Variants in HIVEP2 observed in about 807,000 individuals in gnomAD.
HIVEP2 encodes the protein transcription factor HIVEP2.
Under a neutral mutation model 180.7 loss-of-function variants are expected in HIVEP2, and 14 were observed. The observed-to-expected ratio is 0.08, with a 90% CI of 0.05 to 0.12. HIVEP2 has a LOEUF of 0.12. Among genes scored for constraint, HIVEP2 ranks in the 10% least tolerant of loss-of-function variants. The pLI, the probability that HIVEP2 is intolerant of heterozygous loss-of-function variation, is 1.00. For synonymous variants in HIVEP2, 1,184 were observed against 1,136.4 expected, an observed-to-expected ratio of 1.04 and a Z score of -0.84; for missense variants, 2,579 against 3,008.5, an observed-to-expected ratio of 0.86 and a Z score of 3.34.
At chr6:142,926,827 C>A (rs1055670988) in intron 1 of HIVEP2, among the ~76,000 whole-genome samples, 1 of 151,910 alleles carries the variant, frequency 6.6e-6, no homozygotes, top group South Asian at 2.1e-4. Context: ...TCTGGGCCGG[C>A]CCTGCGGCGG....
At chr6:142,937,972 A>AT (rs111815709) in intron 1 of HIVEP2, among the ~76,000 whole-genome samples, 1 of 152,156 alleles carries the variant, frequency 6.6e-6, no homozygotes, top group Non-Finnish European at 1.5e-5. Context: ...CACTGTGCTG[A>AT]TTTTTTTAAG....
intron 1 of HIVEP2, among the ~76,000 whole-genome samples, chr6:142,882,895 A>C (rs1776607352): frequency 6.6e-6 from 1 of 152,152 alleles, no homozygotes; most frequent in Non-Finnish European, 1.5e-5. Context: ...AGCTTAGTGA[A>C]AGGACCACAT....
intron 6 of HIVEP2, among the ~76,000 whole-genome samples, chr6:142,765,827 A>T (rs543806081): frequency 9.2e-4 from 140 of 152,322 alleles, no homozygotes; most frequent in African/African-American, 3.1e-3. Context: ...TCCATTTTAG[A>T]ATACAATAAA....
intron 9 of HIVEP2, among the ~76,000 whole-genome samples, chr6:142,757,389 G>A (rs1384841579): frequency 1.3e-5 from 2 of 152,162 alleles, no homozygotes; most frequent in African/African-American, 4.8e-5. Context: ...AGCCAGGTGC[G>A]ATGGCTCACA....
At chr6:142,837,346 A>C (rs1775250257) in intron 1 of HIVEP2, among the ~76,000 whole-genome samples, 1 of 152,260 alleles carries the variant, frequency 6.6e-6, no homozygotes, top group African/African-American at 2.4e-5. Context: ...GTCAGTTAAG[A>C]CATTAAAATT....
At chr6:142,839,154 A>AGG (rs1383992649) in intron 1 of HIVEP2, among the ~76,000 whole-genome samples, 5 of 152,186 alleles carry the variant, frequency 3.3e-5, no homozygotes, top group Non-Finnish European at 7.4e-5. Context: ...GCAACAGGTA[A>AGG]GCCTCGCGTA....
chr6:142,780,190 C>CT, intron 3 of HIVEP2, among the ~76,000 whole-genome samples: 1 of 152,278 alleles, frequency 6.6e-6, no homozygotes, highest in East Asian at 1.9e-4. Flanking sequence ...TAAGACAAGC[C>CT]TACCCGAGAT....
At chr6:142,810,534 G>A (rs1362991996) in intron 2 of HIVEP2, among the ~76,000 whole-genome samples, 2 of 152,004 alleles carry the variant, frequency 1.3e-5, no homozygotes, top group Non-Finnish European at 2.9e-5. Context: ...AGGCCAGGGG[G>A]GCAAATCACT....
rs995944612 is a variant in HIVEP2, at chr6:142,932,475, A to G, written c.-641+12624T>C. Among the ~76,000 whole-genome samples the G allele has an allele frequency of 2.0e-5, 3 of 152,220 alleles. No homozygotes were observed. In the South Asian group the frequency reaches 6.2e-4, roughly 32 times the overall value. On this transcript the variant is annotated intron_variant, in intron 1 of 9. Transcript: ENST00000367603. The stretch of plus-strand genomic sequence containing the variant: ...AATTTATTTTTGAGGAGTTATTAAA[A>G]AAAACTCAGCCTGGAGTAAATTTCA...
rs111541153 is a variant in HIVEP2, at chr6:142,856,204, T to TA, written c.-640-19158dup. Among the ~76,000 whole-genome samples, 179 of 147,068 alleles carry TA rather than the reference T, an allele frequency of 1.2e-3. 3 individuals carry two copies. The highest frequency in any genetic ancestry group is 5.6e-3 in the South Asian group (26 of 4,642). ...CACTAAAAAACAGACAGCAAGGGGT[T>TA]AAAAAAAAAAAGAAAAGGAGAATTT... On this transcript the variant is annotated intron_variant, in intron 1 of 9. Transcript: ENST00000367603.
intron 2 of HIVEP2, among the ~76,000 whole-genome samples, chr6:142,822,478 ACTGT>A (rs1265369836): frequency 3.3e-5 from 5 of 152,232 alleles, no homozygotes; most frequent in East Asian, 1.9e-4. Context: ...GTGATATGAA[ACTGT>A]CTGTGATTTC....
chr6:142,864,575 A>C (rs751807079), intron 1 of HIVEP2, among the ~76,000 whole-genome samples: 25 of 152,088 alleles, frequency 1.6e-4, no homozygotes, highest in Non-Finnish European at 3.4e-4. Flanking sequence ...AGAAAACTGG[A>C]GTCTACACAA....
chr6:142,754,639 T>C (rs910805766), intron 9 of HIVEP2, among the ~76,000 whole-genome samples: 13 of 152,336 alleles, frequency 8.5e-5, no homozygotes, highest in Non-Finnish European at 1.8e-4. Flanking sequence ...TAAAGGAAAC[T>C]ATCCATCATA....
At chr6:142,876,894 C>A (rs932241826) in intron 1 of HIVEP2, among the ~76,000 whole-genome samples, 1 of 151,300 alleles carries the variant, frequency 6.6e-6, no homozygotes, top group Admixed American at 6.6e-5. Flanking sequence ...ACACAAAATG[C>A]AAACATTAGT....
chr6:142,904,878 T>C (rs1476318047), intron 1 of HIVEP2, among the ~76,000 whole-genome samples: 7 of 152,176 alleles, frequency 4.6e-5, no homozygotes, highest in Non-Finnish European at 8.8e-5. Flanking sequence ...ATCAGTTAAG[T>C]AACCCTGGGT....
intron 1 of HIVEP2, among the ~76,000 whole-genome samples, chr6:142,890,390 C>T (rs965982999): frequency 5.3e-5 from 8 of 152,232 alleles, no homozygotes; most frequent in African/African-American, 1.2e-4. Flanking sequence ...CGTGCACTTG[C>T]TCTGCATTCC....
intron 2 of HIVEP2, among the ~76,000 whole-genome samples, chr6:142,806,442 T>A (rs1776550047): frequency 6.6e-6 from 1 of 152,210 alleles, no homozygotes; most frequent in South Asian, 2.1e-4. Flanking sequence ...ATCATAACAC[T>A]TCTCAGAGCA....
intron 2 of HIVEP2, among the ~76,000 whole-genome samples, chr6:142,833,383 A>C (rs1484236209): frequency 6.6e-6 from 1 of 152,170 alleles, no homozygotes; most frequent in Non-Finnish European, 1.5e-5. Flanking sequence ...TAGGTTTTGC[A>C]TGGAGAGTGA....
At chr6:142,930,834 AT>A (rs1443759186) in intron 1 of HIVEP2, among the ~76,000 whole-genome samples, 4 of 152,172 alleles carry the variant, frequency 2.6e-5, no homozygotes, top group East Asian at 1.9e-4. Flanking sequence ...AAACAAAATT[AT>A]TTTTTATTAC....
Sources: gnomAD v4.1 joint callset for allele counts (sites outside exome capture counted in the v4.1 genomes callset) on GRCh38, gnomAD v4.1.1 for gene constraint, MANE v1.5 for transcripts, NCBI Gene and HGNC (gene_info 2026-07-23, HGNC 2026-07-21) for gene names.